Variants in CATSPERB observed in about 807,000 individuals in gnomAD.
The protein encoded by CATSPERB is catsper channel auxiliary subunit beta, also known as cation channel sperm-associated auxiliary subunit beta.
A neutral mutation model predicts 128.3 loss-of-function variants in CATSPERB; 93 were observed. The observed-to-expected ratio is 0.72, with a 90% CI of 0.61 to 0.86. The LOEUF (loss-of-function observed/expected upper bound fraction) is 0.86, where lower values mean the gene tolerates loss of function less well. Ranked by LOEUF, CATSPERB falls within the 40% of genes least tolerant of loss-of-function variation. CATSPERB has a pLI of 0.00. For synonymous variants in CATSPERB, 381 were observed against 448.8 expected (o/e 0.85, Z 1.91); for missense variants, 1,153 against 1,329.5 (o/e 0.87, Z 2.06).
chr14:91,625,016 A>C lies in CATSPERB; in HGVS notation c.1743-9T>G. On this transcript the variant is annotated splice_polypyrimidine_tract_variant and intron_variant, in intron 17 of 26. Transcript: ENST00000256343. ...AAGCTCTTCCAGTTTTCCTAAAAACAAATAAAACCATTAAGCAATTTGGAT... is the reference window on the plus strand; with the variant it reads ...AAGCTCTTCCAGTTTTCCTAAAAACCAATAAAACCATTAAGCAATTTGGAT... 1 of 1,553,836 alleles carries C rather than the reference A, an allele frequency of 6.4e-7. No individual in the cohort carries two copies. The highest frequency in any genetic ancestry group is 8.7e-7 in the Non-Finnish European group (1 of 1,155,128).
chr14:91,622,431 G>A (rs1243821155), intron 18 of CATSPERB, among the ~76,000 whole-genome samples: 1 of 152,122 alleles, frequency 6.6e-6, no homozygotes, highest in Non-Finnish European at 1.5e-5. Context: ...GGACCTTAAG[G>A]AACATCATCA....
intron 18 of CATSPERB, 76 bp downstream of exon 18, chr14:91,624,744 C>T (rs996090652): frequency 1.6e-5 from 17 of 1,054,740 alleles, no homozygotes; most frequent in Non-Finnish European, 2.3e-5. Context: ...TATAAATAAG[C>T]ATTAAAATGC....
intron 15 of CATSPERB, 36 bp downstream of exon 15, chr14:91,659,801 A>T: frequency 1.9e-6 from 3 of 1,579,862 alleles, no homozygotes; most frequent in Non-Finnish European, 1.7e-6. Flanking sequence ...CCTGGGCCAC[A>T]TGTAATGCTT....
chr14:91,723,146 T>C lies in CATSPERB; in HGVS notation c.212A>G (p.Lys71Arg). 6.6e-7 allele frequency: 1 copy of C among 1,520,324 alleles called. No individual in the cohort carries two copies. The highest frequency in any genetic ancestry group is 8.8e-7 in the Non-Finnish European group (1 of 1,134,930). The allele number at this position is 1,520,324 out of a possible 1,614,324, so 94.2% of individuals were successfully genotyped here. A position where few individuals can be genotyped will look rare whatever the true frequency, so the allele number is the denominator to read the frequency against. ...FFQTENEIAS[K>R]AMLSVFTSGG... ...TGATGTGAACACACTTAGCATTGCTTTTGATGCAATTTCATTTTCAGTTTG... is the reference window on the plus strand; with the variant it reads ...TGATGTGAACACACTTAGCATTGCTCTTGATGCAATTTCATTTTCAGTTTG... Residue 71 changes from lysine to arginine, a missense_variant, in exon 4 of 27, where the codon AAA (lysine) becomes AGA (arginine). Lys to Arg is a conservative substitution (Grantham distance 26). Transcript: ENST00000256343.
At chr14:91,707,196 C>T (rs1037571047) in intron 6 of CATSPERB, among the ~76,000 whole-genome samples, 3 of 152,178 alleles carry the variant, frequency 2.0e-5, no homozygotes, top group African/African-American at 7.2e-5. Flanking sequence ...CAACACTAGT[C>T]TCCCTTTAGT....
chr14:91,689,992 T>G (rs1305126024), intron 10 of CATSPERB, among the ~76,000 whole-genome samples: 1 of 152,192 alleles, frequency 6.6e-6, no homozygotes, highest in African/African-American at 2.4e-5. Context: ...TTAATTTAAT[T>G]TATTTTAATT....
intron 22 of CATSPERB, chr14:91,604,302 T>C (rs1473998192): frequency 9.7e-6 from 7 of 718,370 alleles, no homozygotes; most frequent in Non-Finnish European, 1.7e-5. Flanking sequence ...GAACATGTGG[T>C]TTCCAAACAA....
intron 11 of CATSPERB, among the ~76,000 whole-genome samples, chr14:91,680,494 A>T: frequency 6.6e-6 from 1 of 152,248 alleles, no homozygotes; most frequent in African/African-American, 2.4e-5. Context: ...AGTCAATTTT[A>T]TAACTTTGTT....
At chr14:91,608,545 C>T in intron 21 of CATSPERB, 141 bp from the exon 22 acceptor site, 1 of 612,340 alleles carries the variant, frequency 1.6e-6, no homozygotes, top group Non-Finnish European at 2.9e-6. Flanking sequence ...TCTCCCCCAA[C>T]TTTTCTACCC....
intron 15 of CATSPERB, among the ~76,000 whole-genome samples, chr14:91,653,029 G>A (rs1290494757): frequency 2.0e-5 from 3 of 152,144 alleles, no homozygotes; most frequent in East Asian, 3.8e-4. Context: ...ACCAATAGAG[G>A]AGATTGTATA....
chr14:91,675,762 A>T (rs1409361039), intron 11 of CATSPERB, among the ~76,000 whole-genome samples: 4 of 151,614 alleles, frequency 2.6e-5, no homozygotes, highest in African/African-American at 9.7e-5. Context: ...TAAGCCCCCC[A>T]CTCAATCTAG....
intron 7 of CATSPERB, among the ~76,000 whole-genome samples, chr14:91,696,998 G>A (rs1643734478): frequency 1.3e-5 from 2 of 152,276 alleles, no homozygotes; most frequent in Admixed American, 6.5e-5. Context: ...AAGAGTATTT[G>A]AGGAGTGGAA....
chr14:91,704,502 T>C, intron 7 of CATSPERB, 50 bp downstream of exon 7: 1 of 1,548,168 alleles, frequency 6.5e-7, no homozygotes, highest in East Asian at 2.3e-5. Context: ...ACATTACTGT[T>C]ACAAAATATA....
chr14:91,621,660 A>G lies in CATSPERB; in HGVS notation c.2208T>C (p.Ile736=), dbSNP rs775664315. ...TTAAAACATAAGAGTTTCCCAGATC[A>G]ATGTATTTCACGATGTTGAGGGATG... ...DSPSLNIVKY[I]DLGNSYVLKA... Residue 736 remains isoleucine (I), a synonymous_variant, in exon 19 of 27, where the codon ATT becomes ATC. Transcript: ENST00000256343. The G allele has an allele frequency of 5.0e-6, 8 of 1,613,102 alleles. No homozygotes were observed. Among genetic ancestry groups the G allele is most frequent in the Non-Finnish European group, 6.8e-6 (8 of 1,179,392 alleles).
intron 22 of CATSPERB, chr14:91,604,301 G>T (rs1242736174): frequency 4.2e-6 from 3 of 717,564 alleles, no homozygotes; most frequent in Non-Finnish European, 7.5e-6. Context: ...AGAACATGTG[G>T]TTTCCAAACA....
chr14:91,611,234 A>G (rs1893819812), intron 20 of CATSPERB, among the ~76,000 whole-genome samples: 1 of 152,268 alleles, frequency 6.6e-6, no homozygotes, highest in South Asian at 2.1e-4. Context: ...AAATCATAAT[A>G]GAAAACATAT....
chr14:91,695,418 A>T (rs1895546390), intron 7 of CATSPERB, among the ~76,000 whole-genome samples: 2 of 152,200 alleles, frequency 1.3e-5, no homozygotes, highest in African/African-American at 2.4e-5. Flanking sequence ...GGTGTGAGCC[A>T]CCACCCAGCC....
intron 15 of CATSPERB, among the ~76,000 whole-genome samples, chr14:91,648,069 C>T (rs1894635928): frequency 6.6e-6 from 1 of 152,160 alleles, no homozygotes; most frequent in African/African-American, 2.4e-5. Flanking sequence ...TCCTATTTCA[C>T]AGCCAATCCT....
intron 2 of CATSPERB, among the ~76,000 whole-genome samples, chr14:91,725,951 A>G (rs1896113098): frequency 1.3e-5 from 2 of 152,284 alleles, no homozygotes; most frequent in South Asian, 4.1e-4. Flanking sequence ...TATGAACAGA[A>G]GAGCAAAAGA....
Sources: gnomAD v4.1 joint callset for allele counts (sites outside exome capture counted in the v4.1 genomes callset) on GRCh38, gnomAD v4.1.1 for gene constraint, MANE v1.5 for transcripts, NCBI Gene and HGNC (gene_info 2026-07-23, HGNC 2026-07-21) for gene names.